Variants in COL23A1 observed in about 807,000 individuals in gnomAD.
The protein encoded by COL23A1 is collagen alpha-1(XXIII) chain.
COL23A1 carries 97 observed loss-of-function variants against 99.3 expected under a neutral mutation model. The ratio of observed to expected loss-of-function variants is 0.98; its 90% CI spans 0.83 to 1.16. COL23A1 has a LOEUF of 1.16. COL23A1 is among the 50% of genes most tolerant of loss of function. The pLI is 0.00. For synonymous variants in COL23A1, 320 were observed against 308.2 expected, an observed-to-expected ratio of 1.04 and a Z score of -0.40; for missense variants, 762 against 757.4, an observed-to-expected ratio of 1.01 and a Z score of -0.07.
intron 17 of COL23A1, among the ~76,000 whole-genome samples, chr5:178,250,978 C>CAAAAA (rs558621690): frequency 1.4e-5 from 1 of 72,118 alleles, no homozygotes; most frequent in African/African-American, 5.1e-5. Flanking sequence ...GACTCCGTCT[C>CAAAAA]AAAAAAAAAA....
chr5:178,301,938 A>T (rs112388290), intron 3 of COL23A1, among the ~76,000 whole-genome samples: 1 of 138,150 alleles, frequency 7.2e-6, no homozygotes, highest in South Asian at 2.4e-4. Flanking sequence ...GTGTGCGCCG[A>T]AGCACAGCTT....
At chr5:178,501,574 C>CAAAAA (rs11343683) in intron 2 of COL23A1, among the ~76,000 whole-genome samples, 1 of 100,010 alleles carries the variant, frequency 1.0e-5, no homozygotes, top group East Asian at 2.8e-4. Flanking sequence ...GGCTCTGTCT[C>CAAAAA]AAAAAAAAAA....
rs148825298 is a variant in COL23A1, at chr5:178,484,450, T to G, written c.361+76232A>C. Among the ~76,000 whole-genome samples the G allele has an allele frequency of 1.1e-3, 162 of 152,264 alleles. 1 individual carries two copies. The highest frequency in any genetic ancestry group is 3.7e-3 in the African/African-American group (154 of 41,576). On this transcript the variant is annotated intron_variant, in intron 2 of 28. Coordinates refer to ENST00000390654, the MANE Select transcript of COL23A1 (RefSeq NM_173465.4). ...CTGTCCCCTCATCCTAGGATCCTCA[T>G]GCAAGAGACCACTAGCAGTGACCAT...
chr5:178,357,760 ACGTG>A (rs199678804), intron 2 of COL23A1, among the ~76,000 whole-genome samples: 2 of 144,746 alleles, frequency 1.4e-5, no homozygotes, highest in Admixed American at 6.8e-5. Context: ...GTGTGTGTGT[ACGTG>A]TATGTATGTG....
chr5:178,450,040 T>A (rs1179938745), intron 2 of COL23A1, among the ~76,000 whole-genome samples: 1 of 152,078 alleles, frequency 6.6e-6, no homozygotes, highest in African/African-American at 2.4e-5. Context: ...TACTATGAAA[T>A]GGCAGCATTC....
Position 178,249,226 on chromosome 5 carries a change from G to A in COL23A1, c.1060-20C>T, listed in dbSNP as rs552374326. ...GGGGCCCTGAAAGCCATAAGCACAA[G>A]GGATGAGTGGGGCTCAGGAGGTCCC... On this transcript the variant is annotated intron_variant, in intron 18 of 28. Transcript: ENST00000390654. 3.1e-6 allele frequency: 5 copies of A among 1,610,916 alleles called. No individual in the cohort carries two copies. Among genetic ancestry groups the A allele is most frequent in the East Asian group, 4.5e-5 (2 of 44,860 alleles).
At chr5:178,437,534 T>C (rs1766625528) in intron 2 of COL23A1, among the ~76,000 whole-genome samples, 1 of 152,104 alleles carries the variant, frequency 6.6e-6, no homozygotes, top group African/African-American at 2.4e-5. Flanking sequence ...TAGAAGGCTG[T>C]ATGAGCTGGG....
intron 2 of COL23A1, among the ~76,000 whole-genome samples, chr5:178,424,732 G>C (rs1765817073): frequency 6.6e-6 from 1 of 152,204 alleles, no homozygotes; most frequent in South Asian, 2.1e-4. Context: ...AGCACTAGCT[G>C]GGCCGCCCTG....
At chr5:178,367,331 CTG>C (rs2127715431) in intron 2 of COL23A1, among the ~76,000 whole-genome samples, 1 of 152,288 alleles carries the variant, frequency 6.6e-6, no homozygotes, top group African/African-American at 2.4e-5. Context: ...TCACGCCTCT[CTG>C]TGTGCCCGTT....
At chr5:178,581,440 C>T (rs1446538872) in intron 1 of COL23A1, among the ~76,000 whole-genome samples, 2 of 152,076 alleles carry the variant, frequency 1.3e-5, no homozygotes, top group African/African-American at 4.8e-5. Context: ...GTGGCACACA[C>T]CTGTAATCCC....
At chr5:178,466,953 C>G (rs940445161) in intron 2 of COL23A1, among the ~76,000 whole-genome samples, 6 of 152,182 alleles carry the variant, frequency 3.9e-5, no homozygotes, top group Non-Finnish European at 5.9e-5. Flanking sequence ...CCTCAGTTTC[C>G]CCAGCTGTAA....
rs1005471655 is a variant in COL23A1, at chr5:178,310,133, G to A, written c.362-3214C>T. Among the ~76,000 whole-genome samples, 4 of 152,236 alleles carry A rather than the reference G, an allele frequency of 2.6e-5. No individual in the cohort carries two copies. Among genetic ancestry groups the A allele is most frequent in the Non-Finnish European group, 4.4e-5 (3 of 68,036 alleles). Reference sequence around the variant, plus strand: ...TTCCACCCTTCCTTTCCCGGACTGCGAGAAGACAGGCGGTGAGGCCCTGGG... The same window carrying A: ...TTCCACCCTTCCTTTCCCGGACTGCAAGAAGACAGGCGGTGAGGCCCTGGG... On this transcript the variant is annotated intron_variant, in intron 2 of 28. Transcript: ENST00000390654. The surrounding 1 kb of genome is among the most constrained non-coding windows in gnomAD (Gnocchi z 4.3).
chr5:178,404,011 C>T (rs143767085), intron 2 of COL23A1, among the ~76,000 whole-genome samples: 3 of 152,316 alleles, frequency 2.0e-5, no homozygotes, highest in African/African-American at 7.2e-5. Flanking sequence ...TGGTGAGATT[C>T]CCGGGAACAG....
intron 2 of COL23A1, among the ~76,000 whole-genome samples, chr5:178,368,146 G>A (rs149671298): frequency 3.8e-4 from 58 of 152,330 alleles, no homozygotes; most frequent in African/African-American, 1.4e-3. Flanking sequence ...AGTCTGTCTG[G>A]ATCAACTTGT....
intron 2 of COL23A1, among the ~76,000 whole-genome samples, chr5:178,343,070 A>C (rs1286233421): frequency 6.6e-6 from 1 of 152,246 alleles, no homozygotes; most frequent in Non-Finnish European, 1.5e-5. Context: ...TGAATTTTAC[A>C]TCCAGCCAAC....
At chr5:178,484,150 T>TC (rs1757483542) in intron 2 of COL23A1, among the ~76,000 whole-genome samples, 3 of 152,102 alleles carry the variant, frequency 2.0e-5, no homozygotes, top group Non-Finnish European at 2.9e-5. Flanking sequence ...GGTCTTGAAC[T>TC]CGACCTCAGG....
At chr5:178,421,737 C>A (rs991077929) in intron 2 of COL23A1, among the ~76,000 whole-genome samples, 1 of 152,146 alleles carries the variant, frequency 6.6e-6, no homozygotes, top group Non-Finnish European at 1.5e-5. Flanking sequence ...GGCGTTGTGG[C>A]AGGCCCCTGT....
intron 2 of COL23A1, among the ~76,000 whole-genome samples, chr5:178,410,404 G>C (rs11249803): frequency 0.17 from 25,664 of 152,150 alleles, 2,837 homozygotes; most frequent in Middle Eastern, 0.28. Flanking sequence ...AAGAGGGCTT[G>C]AATAGCCAAA....
chr5:178,366,728 A>T lies in COL23A1; in HGVS notation c.362-59809T>A, dbSNP rs1762501258. On this transcript the variant is annotated intron_variant, in intron 2 of 28. Transcript: ENST00000390654. This position sits in a 1 kb window ranked among gnomAD's most constrained non-coding sequence, Gnocchi z 4.4. ...ACTGAGCATCCCAAACCTCGCCGGA[A>T]GCACGTTCCTCCTCCGTGCCTGTGC... is the stretch of plus-strand genomic sequence containing the variant. Among the ~76,000 whole-genome samples, 1 of 152,170 alleles carries T rather than the reference A, an allele frequency of 6.6e-6. No individual in the cohort carries two copies. Among genetic ancestry groups the T allele is most frequent in the African/African-American group, 2.4e-5 (1 of 41,432 alleles).
Sources: gnomAD v4.1 joint callset for allele counts (sites outside exome capture counted in the v4.1 genomes callset) on GRCh38, gnomAD v4.1.1 for gene constraint, Gnocchi (gnomAD v3.1) non-coding constraint, MANE v1.5 for transcripts, NCBI Gene and HGNC (gene_info 2026-07-23, HGNC 2026-07-21) for gene names.